The following SUGCT variants were observed in gnomAD, a reference collection of about 807,000 sequenced individuals.
SUGCT encodes the protein succinyl-CoA:glutarate CoA-transferase.
Under a neutral mutation model 55.0 loss-of-function variants are expected in SUGCT, and 41 were observed. The observed-to-expected ratio is 0.74, with a 90% CI of 0.58 to 0.97. The LOEUF is 0.97. SUGCT is among the 50% of genes least tolerant of loss of function. SUGCT has a pLI of 0.00. For synonymous variants in SUGCT, 187 were observed against 200.4 expected (o/e 0.93, Z 0.56); for missense variants, 568 against 547.8 (o/e 1.04, Z -0.37).
At chr7:40,761,530 A>G (rs1050406444) in intron 13 of SUGCT, among the ~76,000 whole-genome samples, 3 of 152,194 alleles carry the variant, frequency 2.0e-5, no homozygotes, top group Non-Finnish European at 2.9e-5. Flanking sequence ...TTTGTCAAAC[A>G]ACTTTGGGAA....
At chr7:40,763,537 G>A (rs1350432704) in intron 13 of SUGCT, among the ~76,000 whole-genome samples, 2 of 152,136 alleles carry the variant, frequency 1.3e-5, no homozygotes, top group East Asian at 3.9e-4. Flanking sequence ...GAAATGGTTC[G>A]CTCATGTTTG....
At chr7:41,013,615 G>C in the SUGCT span, among the ~76,000 whole-genome samples, 2 of 152,186 alleles carry the variant, frequency 1.3e-5, no homozygotes, top group African/African-American at 4.8e-5. Context: ...ATCTATGCCT[G>C]TATATGCATT....
At chr7:40,972,868 C>T in the SUGCT span, among the ~76,000 whole-genome samples, 1 of 152,188 alleles carries the variant, frequency 6.6e-6, no homozygotes, top group African/African-American at 2.4e-5. Context: ...GTAAGACTTT[C>T]TAATTGTAAT....
At chr7:40,984,819 C>T in the SUGCT span, among the ~76,000 whole-genome samples, 1 of 152,116 alleles carries the variant, frequency 6.6e-6, no homozygotes, top group South Asian at 2.1e-4. Context: ...CCTTCCTCTC[C>T]TGTAAGATTG....
chr7:40,320,211 A>G (rs936816106), intron 9 of SUGCT, among the ~76,000 whole-genome samples: 1 of 151,760 alleles, frequency 6.6e-6, no homozygotes, highest in Non-Finnish European at 1.5e-5. Context: ...GGTTCAAGCT[A>G]TGCTCCTGCC....
the SUGCT span, among the ~76,000 whole-genome samples, chr7:40,958,574 A>C: frequency 6.6e-6 from 1 of 151,700 alleles, no homozygotes; most frequent in Non-Finnish European, 1.5e-5. Flanking sequence ...ACCTTTTATC[A>C]AGGTTCTTAG....
intron 11 of SUGCT, among the ~76,000 whole-genome samples, chr7:40,476,564 T>C (rs1218150735): frequency 1.3e-5 from 2 of 152,174 alleles, no homozygotes; most frequent in African/African-American, 4.8e-5. Flanking sequence ...TTTGTGTATA[T>C]GGTATCAAGT....
the SUGCT span, among the ~76,000 whole-genome samples, chr7:40,944,711 A>G: frequency 3.3e-5 from 5 of 152,178 alleles, no homozygotes; most frequent in Non-Finnish European, 7.3e-5. Context: ...TGATGCCTCC[A>G]GCTTTGTTCT....
chr7:41,023,836 G>T, the SUGCT span, among the ~76,000 whole-genome samples: 1 of 152,098 alleles, frequency 6.6e-6, no homozygotes, highest in African/African-American at 2.4e-5. Flanking sequence ...ATTAGGAAGT[G>T]ATTGTTGAAA....
chr7:40,765,270 C>G (rs2128723301), intron 13 of SUGCT, among the ~76,000 whole-genome samples: 1 of 152,136 alleles, frequency 6.6e-6, no homozygotes, highest in Non-Finnish European at 1.5e-5. Flanking sequence ...ACTGTGGACT[C>G]TCCAAACCAG....
intron 7 of SUGCT, among the ~76,000 whole-genome samples, chr7:40,265,669 CT>C (rs1791523018): frequency 6.6e-6 from 1 of 151,690 alleles, no homozygotes; most frequent in African/African-American, 2.4e-5. Flanking sequence ...AAAAAAAAAC[CT>C]TTGGCTGGTT....
At chr7:40,879,435 T>C in the SUGCT span, among the ~76,000 whole-genome samples, 1 of 152,178 alleles carries the variant, frequency 6.6e-6, no homozygotes, top group Non-Finnish European at 1.5e-5. Context: ...TATACATCTC[T>C]AACTCAGAAA....
chr7:40,518,396 A>G (rs75234220), intron 12 of SUGCT, among the ~76,000 whole-genome samples: 4,164 of 152,202 alleles, frequency 0.027, 188 homozygotes, highest in African/African-American at 0.097. Flanking sequence ...AGGTTTGAAC[A>G]CATAAGCAAA....
the SUGCT span, among the ~76,000 whole-genome samples, chr7:41,002,044 A>G: frequency 2.0e-5 from 3 of 152,212 alleles, no homozygotes; most frequent in South Asian, 6.2e-4. Flanking sequence ...GTTTATTTTG[A>G]GAGTCTTGCT....
chr7:40,589,743 TA>T (rs1372229556), intron 12 of SUGCT, among the ~76,000 whole-genome samples: 3 of 152,236 alleles, frequency 2.0e-5, no homozygotes, highest in Non-Finnish European at 2.9e-5. Context: ...AATATCTCCA[TA>T]AATATATTTC....
intron 13 of SUGCT, among the ~76,000 whole-genome samples, chr7:40,772,494 A>ATATCTATCTATC (rs70990644): frequency 2.9e-4 from 29 of 99,418 alleles, no homozygotes; most frequent in East Asian, 9.4e-4. Flanking sequence ...TTCTTTTGAA[A>ATATCTATCTATC]TATCTATCTA....
the SUGCT span, among the ~76,000 whole-genome samples, chr7:41,035,009 A>C: frequency 6.6e-6 from 1 of 152,278 alleles, no homozygotes; most frequent in Admixed American, 6.5e-5. Flanking sequence ...TGGTCTGAGA[A>C]GCACTTGGGC....
At chr7:40,972,489 C>G in the SUGCT span, among the ~76,000 whole-genome samples, 2 of 152,296 alleles carry the variant, frequency 1.3e-5, no homozygotes, top group East Asian at 3.9e-4. Context: ...TTCCAAGCCC[C>G]ACAGACCTGA....
chr7:40,703,498 G>A (rs1785260553), intron 12 of SUGCT, among the ~76,000 whole-genome samples: 2 of 152,256 alleles, frequency 1.3e-5, no homozygotes, highest in East Asian at 1.9e-4. Context: ...TTGGAGACTG[G>A]AAGATTGGAG....
Sources: gnomAD v4.1 joint callset for allele counts (sites outside exome capture counted in the v4.1 genomes callset) on GRCh38, gnomAD v4.1.1 for gene constraint, MANE v1.5 for transcripts, NCBI Gene and HGNC (gene_info 2026-07-23, HGNC 2026-07-21) for gene names.